Variants in C19orf18 observed in about 807,000 individuals in gnomAD.
The protein encoded by C19orf18 is chromosome 19 open reading frame 18, also known as uncharacterized protein C19orf18.
A neutral mutation model predicts 23.3 loss-of-function variants in C19orf18; 21 were observed. The observed-to-expected ratio is 0.90, with a 90% CI of 0.64 to 1.30. C19orf18 has a LOEUF of 1.30. Among genes scored for constraint, C19orf18 ranks in the 50% most tolerant of loss-of-function variants. C19orf18 has a pLI of 0.00. For synonymous variants in C19orf18, 96 were observed against 95.2 expected, an observed-to-expected ratio of 1.01 and a Z score of -0.05; for missense variants, 249 against 259.6, an observed-to-expected ratio of 0.96 and a Z score of 0.28.
chr19:57,974,015 G>T, intron 2 of C19orf18, 84 bp downstream of exon 2: 1 of 1,324,118 alleles, frequency 7.6e-7, no homozygotes, highest in Non-Finnish European at 1.1e-6. Context: ...CTACCAGCAA[G>T]CACACAGTAC....
chr19:57,972,885 G>A (rs971128259), intron 2 of C19orf18, among the ~76,000 whole-genome samples: 9 of 152,092 alleles, frequency 5.9e-5, no homozygotes, highest in Non-Finnish European at 8.8e-5. Context: ...AGCAAGGGTT[G>A]GGCACAGTGG....
At chr19:57,967,128 T>C (rs257673) in intron 3 of C19orf18, among the ~76,000 whole-genome samples, 92,334 of 151,342 alleles carry the variant, frequency 0.61, 29,901 homozygotes, top group African/African-American at 0.84. Flanking sequence ...CATTGGGGAT[T>C]GGGCATCCAA....
chr19:57,970,257 C>T (rs2072935890), intron 3 of C19orf18, among the ~76,000 whole-genome samples: 1 of 152,162 alleles, frequency 6.6e-6, no homozygotes, highest in African/African-American at 2.4e-5. Flanking sequence ...CCTCAGATGG[C>T]TTCCCCTCCT....
chr19:57,960,148 G>A lies in C19orf18; in HGVS notation c.532+1243C>T, dbSNP rs374726359. 8.6e-5 allele frequency among the ~76,000 whole-genome samples: 13 copies of A among 151,536 alleles called. No homozygotes were observed. The East Asian group carries it at 1.4e-3, about 16-fold the overall frequency. ...AATAAATAAAATAAATTCTACAGGC[G>A]GGGTGCATTGGCTTATGCCTGTAAT... On this transcript the variant is annotated intron_variant, in intron 5 of 5. Transcript: ENST00000314391.
At chr19:57,960,894 C>T (rs958427536) in intron 5 of C19orf18, among the ~76,000 whole-genome samples, 12 of 152,002 alleles carry the variant, frequency 7.9e-5, no homozygotes, top group Non-Finnish European at 1.5e-4. Flanking sequence ...AAAACCAAGC[C>T]ACAGGCCAGG....
chr19:57,959,672 G>T (rs753579699), intron 5 of C19orf18, among the ~76,000 whole-genome samples: 5 of 151,522 alleles, frequency 3.3e-5, no homozygotes, highest in African/African-American at 1.2e-4. Flanking sequence ...GACATGCACC[G>T]TAGTCCCAGC....
intron 3 of C19orf18, among the ~76,000 whole-genome samples, chr19:57,969,879 C>CAA (rs71293938): frequency 0.096 from 11,549 of 120,902 alleles, 669 homozygotes; most frequent in African/African-American, 0.14. Flanking sequence ...AACTCCATCT[C>CAA]AAAAAAAAAA....
intron 4 of C19orf18, among the ~76,000 whole-genome samples, chr19:57,966,276 GTAATATTTTC>G (rs1176334577): frequency 9.9e-5 from 15 of 151,886 alleles, no homozygotes; most frequent in Middle Eastern, 3.2e-3. Flanking sequence ...CATGCCCGGC[GTAATATTTTC>G]TAATATTTTC....
chr19:57,960,540 T>G (rs2072861346), intron 5 of C19orf18, among the ~76,000 whole-genome samples: 2 of 151,968 alleles, frequency 1.3e-5, no homozygotes, highest in African/African-American at 2.4e-5. Flanking sequence ...TGCTGGGAAA[T>G]TTTACCCTGG....
intron 3 of C19orf18, among the ~76,000 whole-genome samples, chr19:57,969,587 A>AAAAAAAAAAC: frequency 6.7e-6 from 1 of 148,238 alleles, no homozygotes; most frequent in Non-Finnish European, 1.5e-5. Flanking sequence ...AAAAAAAAAA[A>AAAAAAAAAAC]AAAAAAAAAC....
chr19:57,971,465 C>G (rs1034605582), intron 3 of C19orf18, among the ~76,000 whole-genome samples: 1 of 110,108 alleles, frequency 9.1e-6, no homozygotes, highest in African/African-American at 3.1e-5. Flanking sequence ...CCTGTAAAAA[C>G]CAGAATAAAG....
At chr19:57,965,136 T>TATTA (rs2072900228) in intron 4 of C19orf18, among the ~76,000 whole-genome samples, 1 of 151,050 alleles carries the variant, frequency 6.6e-6, no homozygotes. Context: ...TTTATTTATT[T>TATTA]ATTTATTTAT....
At chr19:57,969,585 A>AAAAAAAAAAAAC in intron 3 of C19orf18, among the ~76,000 whole-genome samples, 5 of 140,460 alleles carry the variant, frequency 3.6e-5, no homozygotes, top group Non-Finnish European at 6.4e-5. Context: ...AAAAAAAAAA[A>AAAAAAAAAAAAC]AAAAAAAAAA....
chr19:57,961,335 C>T, intron 5 of C19orf18, 56 bp downstream of exon 5: 1 of 1,497,868 alleles, frequency 6.7e-7, no homozygotes, highest in Non-Finnish European at 9.0e-7. Context: ...AAAAGAAACG[C>T]AAGCTGCCGC....
chr19:57,969,566 G>GAAAAAAAAA (rs59100128), intron 3 of C19orf18, among the ~76,000 whole-genome samples: 40 of 46,504 alleles, frequency 8.6e-4, no homozygotes, highest in East Asian at 2.5e-3. Context: ...AAAAAAAACA[G>GAAAAAAAAA]AAAAAAAAAA....
At position 57,961,518 on chromosome 19, in the gene C19orf18, G is replaced by C. The variant is rs372450511; in HGVS notation, c.405C>G (p.Leu135=). The C allele has an allele frequency of 8.2e-5, 132 of 1,613,744 alleles. No individual in the cohort carries two copies. The highest frequency in any genetic ancestry group is 1.5e-4 in the Admixed American group (9 of 59,862). ...TCCTGAGGTTCTTATAAAGTGACTCGAGCTGTTGTCTTTCCTCAGCCTGTG... is the reference window on the plus strand; with the variant it reads ...TCCTGAGGTTCTTATAAAGTGACTCCAGCTGTTGTCTTTCCTCAGCCTGTG... ...RLAQAEERQQ[L]ESLYKNLRIP... is the part of the protein sequence containing the mutation. The change falls in exon 5 of 6, where the codon CTC becomes CTG. Residue 135 remains leucine, a synonymous_variant. Transcript: ENST00000314391.
At chr19:57,966,977 G>T (rs558728549) in intron 3 of C19orf18, among the ~76,000 whole-genome samples, 2 of 151,834 alleles carry the variant, frequency 1.3e-5, no homozygotes, top group Admixed American at 1.3e-4. Flanking sequence ...TTGCCACGTT[G>T]CTCAGGCTAG....
chr19:57,972,360 G>A (rs950246816), intron 3 of C19orf18, 103 bp downstream of exon 3: 5 of 1,378,490 alleles, frequency 3.6e-6, no homozygotes, highest in Non-Finnish European at 5.0e-6. Context: ...GGCACCACGT[G>A]TGCAGGCTCC....
intron 2 of C19orf18, 51 bp downstream of exon 2, chr19:57,974,048 G>T: frequency 6.4e-7 from 1 of 1,550,718 alleles, no homozygotes; most frequent in South Asian, 1.1e-5. Context: ...CAGATAAGAG[G>T]ACTCCAGGCT....
Sources: gnomAD v4.1 joint callset for allele counts (sites outside exome capture counted in the v4.1 genomes callset) on GRCh38, gnomAD v4.1.1 for gene constraint, MANE v1.5 for transcripts, NCBI Gene and HGNC (gene_info 2026-07-23, HGNC 2026-07-21) for gene names.